The following PTPRR variants were observed in gnomAD, a reference collection of about 807,000 sequenced individuals.
The protein encoded by PTPRR is protein tyrosine phosphatase receptor type R.
Under a neutral mutation model 77.2 loss-of-function variants are expected in PTPRR, and 38 were observed. The observed-to-expected ratio is 0.49, with a 90% CI of 0.38 to 0.65. The LOEUF is 0.65. Among genes scored for constraint, PTPRR ranks in the 30% least tolerant of loss-of-function variants. The probability of loss-of-function intolerance (pLI) is 0.00; values close to 1 mark genes in which losing one functional copy is unlikely to be tolerated. For missense variants in PTPRR, 744 were observed against 799.2 expected, an observed-to-expected ratio of 0.93 and a Z score of 0.83; for synonymous variants, 299 against 283.1, an observed-to-expected ratio of 1.06 and a Z score of -0.57.
chr12:70,762,310 C>G (rs1890710793), intron 3 of PTPRR, among the ~76,000 whole-genome samples: 1 of 152,054 alleles, frequency 6.6e-6, no homozygotes, highest in African/African-American at 2.4e-5. Flanking sequence ...CACACACACA[C>G]ACAGAGAGCA....
intron 2 of PTPRR, among the ~76,000 whole-genome samples, chr12:70,809,233 A>T (rs1236920301): frequency 1.3e-5 from 2 of 152,172 alleles, no homozygotes; most frequent in African/African-American, 4.8e-5. Flanking sequence ...CACTGACATG[A>T]TGCTTAGAGA....
intron 6 of PTPRR, among the ~76,000 whole-genome samples, chr12:70,737,076 G>A (rs2136903711): frequency 6.6e-6 from 1 of 152,236 alleles, no homozygotes; most frequent in African/African-American, 2.4e-5. Context: ...GATGGGTGTT[G>A]CTGAGCCAGA....
chr12:70,751,842 T>C (rs973317272), intron 5 of PTPRR, among the ~76,000 whole-genome samples: 10 of 152,180 alleles, frequency 6.6e-5, no homozygotes, highest in Non-Finnish European at 1.5e-4. Context: ...CCAATATTGA[T>C]GTATTATTAT....
Position 70,760,183 on chromosome 12 carries a change from A to G in PTPRR, c.627+1288T>C, listed in dbSNP as rs1027738515. Among the ~76,000 whole-genome samples the G allele has an allele frequency of 3.3e-5, 5 of 152,318 alleles. No individual in the cohort carries two copies. In the East Asian group the frequency reaches 9.7e-4, roughly 29 times the overall value. ...TGCATATACTTTAAAAATTCAATCC[A>G]TATTTCAAGTTTATAAGTGCTATAC... is the stretch of plus-strand genomic sequence containing the variant. On this transcript the variant is annotated intron_variant, in intron 4 of 13. Transcript: ENST00000283228.
intron 2 of PTPRR, among the ~76,000 whole-genome samples, chr12:70,779,717 A>G (rs1891163345): frequency 6.6e-6 from 1 of 152,206 alleles, no homozygotes; most frequent in Non-Finnish European, 1.5e-5. Flanking sequence ...TTGTAAAATG[A>G]AGGAACACAT....
At chr12:70,668,023 T>A (rs1240479358) in intron 10 of PTPRR, among the ~76,000 whole-genome samples, 2 of 152,144 alleles carry the variant, frequency 1.3e-5, no homozygotes, top group African/African-American at 4.8e-5. Context: ...ACGTTTTTTT[T>A]AAAACCTGAT....
At chr12:70,765,092 G>C (rs1255744956) in intron 2 of PTPRR, among the ~76,000 whole-genome samples, 1 of 152,146 alleles carries the variant, frequency 6.6e-6, no homozygotes, top group Non-Finnish European at 1.5e-5. Context: ...TGCAGAAGAT[G>C]GGTGATTTCT....
At chr12:70,643,531 G>C (rs1886085861) in intron 13 of PTPRR, among the ~76,000 whole-genome samples, 2 of 152,054 alleles carry the variant, frequency 1.3e-5, no homozygotes, top group African/African-American at 2.4e-5. Context: ...TAAGAAGCTA[G>C]TACAGTGTCT....
At chr12:70,847,007 G>A (rs1399781429) in intron 2 of PTPRR, among the ~76,000 whole-genome samples, 1 of 152,140 alleles carries the variant, frequency 6.6e-6, no homozygotes, top group Non-Finnish European at 1.5e-5. Flanking sequence ...ATCTTTCCTG[G>A]GGTGTCCAGG....
intron 2 of PTPRR, among the ~76,000 whole-genome samples, chr12:70,782,723 ACAC>A (rs1891230797): frequency 1.3e-5 from 2 of 152,212 alleles, no homozygotes; most frequent in East Asian, 3.9e-4. Flanking sequence ...GCATTAGGAG[ACAC>A]ACCTAATGTA....
chr12:70,832,164 T>G (rs1271099038), intron 2 of PTPRR, among the ~76,000 whole-genome samples: 1 of 152,214 alleles, frequency 6.6e-6, no homozygotes, highest in Admixed American at 6.5e-5. Flanking sequence ...CTGTGATGCA[T>G]TAACAAATGA....
At chr12:70,737,933 T>C (rs1235158885) in intron 6 of PTPRR, among the ~76,000 whole-genome samples, 2 of 152,224 alleles carry the variant, frequency 1.3e-5, no homozygotes, top group Non-Finnish European at 2.9e-5. Context: ...AAGAGATCAG[T>C]GGAGGAATGA....
intron 1 of PTPRR, among the ~76,000 whole-genome samples, chr12:70,895,127 C>T (rs1196395212): frequency 1.6e-4 from 24 of 151,436 alleles, no homozygotes; most frequent in Non-Finnish European, 5.9e-5. Flanking sequence ...AGATGTAAGA[C>T]GTATATGTTG....
intron 2 of PTPRR, among the ~76,000 whole-genome samples, chr12:70,886,037 T>C (rs1388775704): frequency 2.6e-5 from 4 of 152,160 alleles, no homozygotes; most frequent in Non-Finnish European, 5.9e-5. Flanking sequence ...AGTGAATGTG[T>C]ATGATCCCAA....
intron 1 of PTPRR, among the ~76,000 whole-genome samples, chr12:70,901,362 A>G (rs931384756): frequency 6.6e-6 from 1 of 151,546 alleles, no homozygotes; most frequent in Non-Finnish European, 1.5e-5. Flanking sequence ...CTAAGTGTCC[A>G]TCAATAGACG....
chr12:70,818,173 T>C (rs1359447789), intron 2 of PTPRR, among the ~76,000 whole-genome samples: 2 of 150,684 alleles, frequency 1.3e-5, no homozygotes, highest in East Asian at 1.9e-4. Flanking sequence ...AATGCAGAGG[T>C]TGCAGTGAGC....
intron 6 of PTPRR, among the ~76,000 whole-genome samples, chr12:70,708,845 C>CAT (rs1888716664): frequency 6.6e-6 from 1 of 151,084 alleles, no homozygotes; most frequent in South Asian, 2.1e-4. Flanking sequence ...CACACACACA[C>CAT]GGCATTTTCT....
At chr12:70,797,452 T>C (rs1371285306) in intron 2 of PTPRR, among the ~76,000 whole-genome samples, 2 of 152,184 alleles carry the variant, frequency 1.3e-5, no homozygotes, top group African/African-American at 4.8e-5. Flanking sequence ...AAATTAAACC[T>C]TCATAGATTC....
At position 70,892,980 on chromosome 12, in the gene PTPRR, G is replaced by C; in HGVS notation, c.59-3C>G. On this transcript the variant is annotated splice_polypyrimidine_tract_variant and splice_region_variant and intron_variant, in intron 1 of 13. Coordinates refer to ENST00000283228, the MANE Select transcript of PTPRR (RefSeq NM_002849.4). ...ATCATTGTTTCCTGAAAAGCACCCT[G>C]AAAGAGGGAAGAAGCAGAAACAATA... 1 of 1,611,288 alleles carries C rather than the reference G, an allele frequency of 6.2e-7. No homozygotes were observed. The highest frequency in any genetic ancestry group is 8.5e-7 in the Non-Finnish European group (1 of 1,178,426).
Sources: allele counts gnomAD v4.1 joint callset (sites outside exome capture counted in the v4.1 genomes callset), GRCh38; gene constraint gnomAD v4.1.1; transcripts MANE v1.5; gene names NCBI Gene and HGNC (gene_info 2026-07-23, HGNC 2026-07-21).